Variants in LAMA4 observed in about 807,000 individuals in gnomAD.
LAMA4 encodes the protein laminin subunit alpha-4.
LAMA4 carries 127 observed loss-of-function variants against 207.1 expected under a neutral mutation model. The ratio of observed to expected loss-of-function variants is 0.61; its 90% CI spans 0.53 to 0.71. The LOEUF (loss-of-function observed/expected upper bound fraction) is 0.71. Among genes scored for constraint, LAMA4 ranks in the 30% least tolerant of loss-of-function variants. The probability of loss-of-function intolerance (pLI) is 0.00; values close to 1 mark genes in which losing one functional copy is unlikely to be tolerated. For missense variants in LAMA4, 2,093 were observed against 2,246.5 expected (o/e 0.93, Z 1.38); for synonymous variants, 761 against 816.0 (o/e 0.93, Z 1.15).
chr6:112,116,580 C>T (rs1778031665), intron 35 of LAMA4, among the ~76,000 whole-genome samples: 1 of 152,148 alleles, frequency 6.6e-6, no homozygotes, highest in African/African-American at 2.4e-5. Flanking sequence ...TGTTGTACAG[C>T]ATTTCAGAGG....
At chr6:112,130,728 C>G (rs1300111597) in intron 29 of LAMA4, among the ~76,000 whole-genome samples, 8 of 151,950 alleles carry the variant, frequency 5.3e-5, no homozygotes, top group African/African-American at 1.9e-4. Flanking sequence ...GAGATTATAA[C>G]CTATTGTTTT....
chr6:112,120,376 C>G lies in LAMA4; in HGVS notation c.4572G>C (p.Leu1524Phe), dbSNP rs145315273. 5.6e-6 allele frequency: 9 copies of G among 1,613,606 alleles called. No homozygotes were observed. In the African/African-American group the frequency reaches 1.2e-4, roughly 22 times the overall value. ...ACATGTAAACCAAGCGGCCATGGGC[C>G]AAAAATAGAGTCATGAAGTCATTCT... Reference protein sequence around the residue: ...QEENDFMTLFLAHGRLVYMFN... With the variant: ...QEENDFMTLFFAHGRLVYMFN... Residue 1524 changes from leucine (L) to phenylalanine (F), a missense_variant, in exon 33 of 39, where the codon TTG (leucine) becomes TTC (phenylalanine). By Grantham distance (22) the Leu-to-Phe change is conservative. This residue lies in a region of LAMA4 where 383 missense variants were observed against 437.8 expected (regional missense o/e 0.87). Coordinates refer to ENST00000230538, the MANE Select transcript of LAMA4 (RefSeq NM_001105206.3).
At chr6:112,194,509 A>G (rs1783297323) in intron 5 of LAMA4, among the ~76,000 whole-genome samples, 1 of 152,186 alleles carries the variant, frequency 6.6e-6, no homozygotes, top group Non-Finnish European at 1.5e-5. Flanking sequence ...GTTTTAGTCA[A>G]AACTCTGGAC....
At chr6:112,124,977 G>C (rs537030115) in intron 31 of LAMA4, among the ~76,000 whole-genome samples, 1 of 152,082 alleles carries the variant, frequency 6.6e-6, no homozygotes, top group East Asian at 1.9e-4. Context: ...GGCTGGTCTC[G>C]ATCTCCTGAC....
chr6:112,139,737 T>C lies in LAMA4; in HGVS notation c.3110+15A>G, dbSNP rs782127134. 4 of 1,613,478 alleles carry C rather than the reference T, an allele frequency of 2.5e-6. No individual in the cohort carries two copies. The highest frequency in any genetic ancestry group is 2.7e-5 in the African/African-American group (2 of 74,908). ...ATGAATATCCAAGTCTTTAGTACTC[T>C]TAACTGTCTCTTACCGGGCACATGG... On this transcript the variant is annotated intron_variant, in intron 23 of 38. Coordinates refer to ENST00000230538, the MANE Select transcript of LAMA4 (RefSeq NM_001105206.3).
At chr6:112,177,442 A>G (rs558320515) in intron 10 of LAMA4, among the ~76,000 whole-genome samples, 225 of 152,346 alleles carry the variant, frequency 1.5e-3, no homozygotes, top group Non-Finnish European at 2.8e-3. Context: ...ACCCAAGGAA[A>G]TCTTCTTTAT....
chr6:112,187,409 C>T (rs781986032), intron 8 of LAMA4, 41 bp downstream of exon 8: 3 of 1,613,224 alleles, frequency 1.9e-6, no homozygotes, highest in Non-Finnish European at 2.5e-6. Context: ...CCTGTGAAGC[C>T]AGGATGAAAA....
At position 112,207,004 on chromosome 6, in the gene LAMA4, C is replaced by A; in HGVS notation, c.422+17G>T. 1 of 1,613,658 alleles carries A rather than the reference C, an allele frequency of 6.2e-7. No individual in the cohort carries two copies. Among genetic ancestry groups the A allele is most frequent in the East Asian group, 2.2e-5 (1 of 44,858 alleles). Reference sequence around the variant, plus strand: ...TAGACTGATCATTAGAAGAGACCATCCTCCTTTAGGACTTACTTGGCCAAG... The same window carrying A: ...TAGACTGATCATTAGAAGAGACCATACTCCTTTAGGACTTACTTGGCCAAG... On this transcript the variant is annotated intron_variant, in intron 4 of 38. Transcript: ENST00000230538.
intron 6 of LAMA4, among the ~76,000 whole-genome samples, chr6:112,189,732 A>G (rs1184685370): frequency 3.3e-5 from 5 of 152,210 alleles, no homozygotes; most frequent in African/African-American, 1.2e-4. Context: ...ACAGACTCCA[A>G]ACCTCCAAAT....
chr6:112,239,997 A>C (rs1304695937), intron 2 of LAMA4, among the ~76,000 whole-genome samples: 3 of 152,072 alleles, frequency 2.0e-5, no homozygotes, highest in South Asian at 2.1e-4. Flanking sequence ...CGGAGCTTGC[A>C]GTGAGCCTAG....
intron 25 of LAMA4, 43 bp downstream of exon 25, chr6:112,136,080 T>C (rs781962228): frequency 1.9e-6 from 3 of 1,583,440 alleles, no homozygotes; most frequent in Non-Finnish European, 2.6e-6. Flanking sequence ...GATCTAAGTA[T>C]AAAGAACAAA....
intron 2 of LAMA4, chr6:112,217,919 T>C (rs1287442165): frequency 6.6e-6 from 1 of 152,214 alleles, no homozygotes; most frequent in Non-Finnish European, 1.5e-5. Context: ...TGCCGCAAAG[T>C]AAAACATACA....
chr6:112,208,723 AG>A (rs782040537), intron 3 of LAMA4, among the ~76,000 whole-genome samples: 2 of 152,220 alleles, frequency 1.3e-5, no homozygotes, highest in Non-Finnish European at 2.9e-5. Flanking sequence ...TTAATACATT[AG>A]TCAAAGGGGA....
chr6:112,215,622 G>C (rs2115056702), intron 3 of LAMA4, among the ~76,000 whole-genome samples: 1 of 152,290 alleles, frequency 6.6e-6, no homozygotes, highest in South Asian at 2.1e-4. Flanking sequence ...TCTTATAAAT[G>C]CCCTCTATGA....
chr6:112,227,041 T>TTTTTTTTATTTATTTA (rs782633010), intron 2 of LAMA4, among the ~76,000 whole-genome samples: 26 of 141,710 alleles, frequency 1.8e-4, no homozygotes, highest in African/African-American at 6.8e-4. Flanking sequence ...GCTTCGACTA[T>TTTTTTTTATTTATTTA]TTTATTTATT....
intron 15 of LAMA4, 141 bp downstream of exon 15, chr6:112,155,424 A>C (rs1471201461): frequency 1.1e-6 from 1 of 881,142 alleles, no homozygotes; most frequent in African/African-American, 1.7e-5. Flanking sequence ...GGCATTCATG[A>C]AATGGTCTTC....
chr6:112,149,361 G>A (rs536757417), intron 17 of LAMA4, among the ~76,000 whole-genome samples: 1 of 152,068 alleles, frequency 6.6e-6, no homozygotes, highest in African/African-American at 2.4e-5. Flanking sequence ...ATGGTTGGCT[G>A]TGTTCCCACC....
At chr6:112,190,268 T>C (rs1038024180) in intron 6 of LAMA4, among the ~76,000 whole-genome samples, 1 of 152,250 alleles carries the variant, frequency 6.6e-6, no homozygotes, top group African/African-American at 2.4e-5. Flanking sequence ...ATTTCTGCTG[T>C]CCGCCTTCTC....
chr6:112,157,894 C>G (rs1371548834), intron 14 of LAMA4: 7 of 152,180 alleles, frequency 4.6e-5, no homozygotes, highest in Non-Finnish European at 8.8e-5. Context: ...TGACCTCTCT[C>G]TTTCTTTTCT....
Sources: allele counts gnomAD v4.1 joint callset (sites outside exome capture counted in the v4.1 genomes callset), GRCh38; gene constraint gnomAD v4.1.1; regional missense constraint gnomAD v4.1.1; transcripts MANE v1.5; gene names NCBI Gene and HGNC (gene_info 2026-07-23, HGNC 2026-07-21).